CDC42BPA: variants seen among roughly 807,000 people sequenced by gnomAD.
CDC42BPA encodes CDC42 binding protein kinase alpha.
In CDC42BPA, 80 loss-of-function variants were observed where a neutral mutation model predicts 223.5. The observed-to-expected ratio is 0.36, with a 90% CI of 0.30 to 0.43. CDC42BPA has a LOEUF of 0.43. CDC42BPA is among the 20% of genes least tolerant of loss of function. The pLI is 1.00. For synonymous variants in CDC42BPA, 694 were observed against 718.6 expected (o/e 0.97, Z 0.55); for missense variants, 1,743 against 2,099.9 (o/e 0.83, Z 3.32).
chr1:227,254,214 T>A, intron 1 of CDC42BPA, 59 bp from the exon 2 acceptor site: 1 of 851,122 alleles, frequency 1.2e-6, no homozygotes, highest in Non-Finnish European at 1.9e-6. Context: ...AAATTAGATA[T>A]AAATAATGGT....
intron 1 of CDC42BPA, among the ~76,000 whole-genome samples, chr1:227,275,018 A>AT (rs1371724983): frequency 6.6e-6 from 1 of 152,224 alleles, no homozygotes; most frequent in Non-Finnish European, 1.5e-5. Context: ...AGTGAAGCAT[A>AT]CAAAAGTTTG....
chr1:227,040,749 A>G (rs1671202736), intron 23 of CDC42BPA, among the ~76,000 whole-genome samples: 1 of 152,198 alleles, frequency 6.6e-6, no homozygotes, highest in African/African-American at 2.4e-5. Flanking sequence ...CTATGGAAAG[A>G]GGCAGTATAA....
chr1:227,291,422 G>A (rs963758889), intron 1 of CDC42BPA, among the ~76,000 whole-genome samples: 2 of 152,046 alleles, frequency 1.3e-5, no homozygotes, highest in Admixed American at 6.6e-5. Flanking sequence ...GGTGGCACGC[G>A]CCTGTCATCC....
intron 3 of CDC42BPA, among the ~76,000 whole-genome samples, chr1:227,201,378 G>A (rs1333477238): frequency 6.6e-6 from 1 of 151,988 alleles, no homozygotes; most frequent in Non-Finnish European, 1.5e-5. Context: ...ATACTACTGG[G>A]CTCAAGCAAT....
At chr1:227,129,979 G>C (rs1168416788) in intron 10 of CDC42BPA, among the ~76,000 whole-genome samples, 2 of 151,884 alleles carry the variant, frequency 1.3e-5, no homozygotes, top group Non-Finnish European at 2.9e-5. Context: ...GGTAACCATG[G>C]CTCAACAATT....
chr1:227,048,347 T>C (rs16846874), intron 22 of CDC42BPA, among the ~76,000 whole-genome samples: 23,437 of 151,938 alleles, frequency 0.15, 2,187 homozygotes, highest in African/African-American at 0.25. Context: ...TACATTCATC[T>C]GAATTTGCCA....
At chr1:227,281,585 G>C (rs566387740) in intron 1 of CDC42BPA, among the ~76,000 whole-genome samples, 7 of 152,296 alleles carry the variant, frequency 4.6e-5, no homozygotes, top group African/African-American at 1.7e-4. Flanking sequence ...TCCTGTGGCT[G>C]GTTCCCCATG....
intron 21 of CDC42BPA, chr1:227,068,373 ATAAT>A (rs747219626): frequency 3.2e-4 from 49 of 153,498 alleles, no homozygotes; most frequent in South Asian, 3.1e-3. Context: ...TATATAAAAA[ATAAT>A]TAAATAAGCA....
At chr1:227,315,765 C>T (rs1296880738) in intron 1 of CDC42BPA, among the ~76,000 whole-genome samples, 1 of 152,068 alleles carries the variant, frequency 6.6e-6, no homozygotes, top group Non-Finnish European at 1.5e-5. Context: ...TTCTTACATT[C>T]CCAGGATGAG....
At chr1:227,237,779 G>A (rs1679319135) in intron 2 of CDC42BPA, among the ~76,000 whole-genome samples, 1 of 150,814 alleles carries the variant, frequency 6.6e-6, no homozygotes, top group Non-Finnish European at 1.5e-5. Flanking sequence ...GGGGGCTCAT[G>A]CCTGTAATCC....
intron 1 of CDC42BPA, among the ~76,000 whole-genome samples, chr1:227,295,157 C>G (rs774778517): frequency 6.6e-6 from 1 of 151,986 alleles, no homozygotes; most frequent in African/African-American, 2.4e-5. Flanking sequence ...ATTCACAATA[C>G]ATATATATGA....
intron 19 of CDC42BPA, among the ~76,000 whole-genome samples, chr1:227,073,304 G>C (rs2149074815): frequency 6.6e-6 from 1 of 152,240 alleles, no homozygotes. Flanking sequence ...ATTCACTCTA[G>C]TGTTGTGACC....
intron 5 of CDC42BPA, among the ~76,000 whole-genome samples, chr1:227,176,064 A>G (rs1513599): frequency 0.9 from 137,273 of 152,188 alleles, 62,350 homozygotes; most frequent in Middle Eastern, 0.96. Context: ...GCGATTCTTG[A>G]GCCTCAGCTC....
In CDC42BPA at chr1:227,133,648, T is replaced by C. The variant is rs942860718; in HGVS notation, c.1391-4417A>G. Among the ~76,000 whole-genome samples the C allele has an allele frequency of 2.6e-5, 4 of 152,318 alleles. No individual in the cohort carries two copies. In the South Asian group the frequency reaches 8.3e-4, roughly 32 times the overall value. On this transcript the variant is annotated intron_variant, in intron 10 of 36. Transcript: ENST00000366766. ...AAATTCTTCTGCCTTGGGATCCTAT[T>C]GATCTGTGACCTTACCCCCAACCCT...
intron 17 of CDC42BPA, among the ~76,000 whole-genome samples, chr1:227,076,013 CATTT>C (rs1008386789): frequency 3.3e-4 from 51 of 152,278 alleles, no homozygotes; most frequent in Non-Finnish European, 5.4e-4. Flanking sequence ...ATGTTGAACA[CATTT>C]ATTTACATGT....
intron 10 of CDC42BPA, among the ~76,000 whole-genome samples, chr1:227,135,565 C>A (rs1658312706): frequency 6.6e-6 from 1 of 151,976 alleles, no homozygotes; most frequent in South Asian, 2.1e-4. Flanking sequence ...ATTAAAAATG[C>A]AATTTAGGGG....
intron 5 of CDC42BPA, among the ~76,000 whole-genome samples, chr1:227,190,298 A>G (rs1001827260): frequency 1.5e-4 from 23 of 152,200 alleles, no homozygotes; most frequent in African/African-American, 4.6e-4. Flanking sequence ...ATTTTAATCT[A>G]GGCTATGCTA....
chr1:227,063,871 G>T (rs78587644), intron 21 of CDC42BPA, among the ~76,000 whole-genome samples: 8,204 of 152,196 alleles, frequency 0.054, 250 homozygotes, highest in Non-Finnish European at 0.073. Flanking sequence ...GTAACTGATT[G>T]TAACAGAATG....
intron 14 of CDC42BPA, among the ~76,000 whole-genome samples, chr1:227,102,921 G>A (rs1411538945): frequency 6.6e-6 from 1 of 151,932 alleles, no homozygotes; most frequent in Non-Finnish European, 1.5e-5. Context: ...ATAAAATCCA[G>A]TAATAATTCC....
Sources: allele counts gnomAD v4.1 joint callset (sites outside exome capture counted in the v4.1 genomes callset), GRCh38; gene constraint gnomAD v4.1.1; transcripts MANE v1.5; gene names NCBI Gene and HGNC (gene_info 2026-07-23, HGNC 2026-07-21).